DEPDC5: variants seen among roughly 807,000 people sequenced by gnomAD.
The protein encoded by DEPDC5 is DEP domain containing 5, GATOR1 subcomplex subunit, also known as GATOR1 complex protein DEPDC5.
Under a neutral mutation model 217.3 loss-of-function variants are expected in DEPDC5, and 73 were observed. The ratio of observed to expected loss-of-function variants is 0.34; its 90% CI spans 0.28 to 0.41. The LOEUF (loss-of-function observed/expected upper bound fraction) is 0.41. Ranked by LOEUF, DEPDC5 falls within the 10% of genes least tolerant of loss-of-function variation. DEPDC5 has a pLI of 1.00. For missense variants in DEPDC5, 1,675 were observed against 2,070.1 expected (o/e 0.81, Z 3.70); for synonymous variants, 733 against 756.7 (o/e 0.97, Z 0.51).
chr22:31,784,625 A>C (rs2084796229), intron 9 of DEPDC5, 189 bp from the exon 10 acceptor site: 2 of 464,860 alleles, frequency 4.3e-6, no homozygotes, highest in African/African-American at 4.1e-5. Context: ...CATCTCAAAA[A>C]AAAAAAAAAA....
At chr22:31,879,077 C>CACGTATATATAT in intron 37 of DEPDC5, among the ~76,000 whole-genome samples, 1 of 137,758 alleles carries the variant, frequency 7.3e-6, no homozygotes, top group African/African-American at 2.9e-5. Context: ...TACACACACA[C>CACGTATATATAT]ACACGTATAT....
chr22:31,829,839 C>T (rs906205068), intron 24 of DEPDC5, among the ~76,000 whole-genome samples: 2 of 152,094 alleles, frequency 1.3e-5, no homozygotes, highest in African/African-American at 2.4e-5. Context: ...GTTTTTATCC[C>T]TCTGTATCTT....
chr22:31,874,079 G>C (rs555565530), intron 35 of DEPDC5, 194 bp from the exon 36 acceptor site: 7 of 833,064 alleles, frequency 8.4e-6, no homozygotes, highest in East Asian at 3.2e-5. Flanking sequence ...AGGCGTGAGC[G>C]ACCACGCTGG....
intron 28 of DEPDC5, 87 bp downstream of exon 28, chr22:31,843,299 T>C: frequency 7.4e-7 from 1 of 1,343,494 alleles, no homozygotes; most frequent in Non-Finnish European, 1.0e-6. Flanking sequence ...TCATTCAAAC[T>C]GAGGAAGTTC....
intron 41 of DEPDC5, among the ~76,000 whole-genome samples, chr22:31,904,462 G>T (rs1215201827): frequency 2.0e-5 from 3 of 152,252 alleles, no homozygotes; most frequent in Admixed American, 6.5e-5. Context: ...GAGAAAGCAG[G>T]CTGGGTGTGG....
intron 21 of DEPDC5, among the ~76,000 whole-genome samples, chr22:31,818,198 G>A (rs748033116): frequency 6.6e-6 from 1 of 152,192 alleles, no homozygotes; most frequent in Non-Finnish European, 1.5e-5. Context: ...CGCCAGACAG[G>A]TGGTGTCTAA....
intron 36 of DEPDC5, chr22:31,875,231 G>A (rs192902815): frequency 2.0e-4 from 34 of 167,088 alleles, no homozygotes; most frequent in Admixed American, 2.0e-3. Context: ...AGCCTTTGCC[G>A]TATACACTCT....
intron 38 of DEPDC5, among the ~76,000 whole-genome samples, chr22:31,884,617 C>T (rs1360544761): frequency 6.6e-6 from 1 of 152,164 alleles, no homozygotes; most frequent in Non-Finnish European, 1.5e-5. Context: ...TTATAGCATT[C>T]GGGTCTCAGC....
intron 16 of DEPDC5, 93 bp downstream of exon 16, chr22:31,804,316 C>A: frequency 8.1e-7 from 1 of 1,235,518 alleles, no homozygotes; most frequent in Non-Finnish European, 1.2e-6. Context: ...CTTATAGTCC[C>A]ACTTACTCGA....
At chr22:31,843,356 T>C in intron 28 of DEPDC5, 144 bp downstream of exon 28, 1 of 895,566 alleles carries the variant, frequency 1.1e-6, no homozygotes, top group Non-Finnish European at 1.7e-6. Context: ...TTTCTAGGGT[T>C]ATTTTAGGGT....
At chr22:31,887,446 AG>A in intron 38 of DEPDC5, among the ~76,000 whole-genome samples, 1 of 149,778 alleles carries the variant, frequency 6.7e-6, no homozygotes, top group East Asian at 1.9e-4. Context: ...AAAAGAGAAA[AG>A]TCATATGTCC....
chr22:31,880,447 A>G (rs1040393348), intron 38 of DEPDC5, among the ~76,000 whole-genome samples: 3 of 152,226 alleles, frequency 2.0e-5, no homozygotes, highest in African/African-American at 4.8e-5. Flanking sequence ...CTTAAGGGCA[A>G]GTTGGAGGAT....
chr22:31,808,178 C>T (rs1398938073), intron 18 of DEPDC5, among the ~76,000 whole-genome samples: 1 of 151,646 alleles, frequency 6.6e-6, no homozygotes, highest in Non-Finnish European at 1.5e-5. Context: ...TCACTGCAAC[C>T]TCTGCCTTCT....
chr22:31,830,371 TG>T (rs1449423215), intron 24 of DEPDC5, among the ~76,000 whole-genome samples: 2 of 152,254 alleles, frequency 1.3e-5, no homozygotes, highest in Admixed American at 6.5e-5. Flanking sequence ...TCCCAAATGT[TG>T]GGTTGGAGCA....
intron 25 of DEPDC5, among the ~76,000 whole-genome samples, chr22:31,834,800 A>G (rs2090874925): frequency 6.6e-6 from 1 of 152,046 alleles, no homozygotes; most frequent in South Asian, 2.1e-4. Flanking sequence ...AAGTGCTGTG[A>G]TTACAGCCGT....
At position 31,762,137 on chromosome 22, in the gene DEPDC5, C is replaced by T. The variant is rs1438276021; in HGVS notation, c.193+1435C>T. On this transcript the variant is annotated intron_variant, in intron 4 of 42. Transcript: ENST00000651528. Reference sequence around the variant, plus strand: ...TCACAAACTATTTGTTAAATGCCTACTCTGGGTGAGTAGGGATTGGGGAGG... The same window carrying T: ...TCACAAACTATTTGTTAAATGCCTATTCTGGGTGAGTAGGGATTGGGGAGG... 2.0e-5 allele frequency among the ~76,000 whole-genome samples: 3 copies of T among 152,170 alleles called. No individual in the cohort carries two copies. In the East Asian group the frequency reaches 5.8e-4, roughly 29 times the overall value.
At position 31,864,522 on chromosome 22, in the gene DEPDC5, A is replaced by ATG. The variant is rs1005402469; in HGVS notation, c.3330+3090_3330+3091insGT. On this transcript the variant is annotated intron_variant, in intron 33 of 42. Coordinates refer to ENST00000651528, the MANE Select transcript of DEPDC5 (RefSeq NM_001242896.3). ...TTAAAATATATATATATATATATAT[A>ATG]TATTTATATATTTATTTATTTACTG... Among the ~76,000 whole-genome samples the ATG allele has an allele frequency of 3.8e-5, 5 of 133,022 alleles. 1 individual carries two copies. Among genetic ancestry groups the ATG allele is most frequent in the African/African-American group, 1.2e-4 (4 of 34,018 alleles). 87.3% of individuals were successfully genotyped at this position (133,022 alleles called of 152,430 possible).
At chr22:31,786,424 TAAAAAAAAAAAA>T (rs138288) in intron 10 of DEPDC5, among the ~76,000 whole-genome samples, 1 of 80,146 alleles carries the variant, frequency 1.2e-5, no homozygotes, top group African/African-American at 4.4e-5. Flanking sequence ...ATGTGGTAGC[TAAAAAAAAAAAA>T]AAAAAAAAAG....
intron 16 of DEPDC5, among the ~76,000 whole-genome samples, 159 bp from the exon 17 acceptor site, chr22:31,804,683 G>T (rs140174141): frequency 6.6e-6 from 1 of 152,290 alleles, no homozygotes; most frequent in East Asian, 1.9e-4. Context: ...CAGGTGGTCC[G>T]CCCGCCTTGG....
Sources: allele counts gnomAD v4.1 joint callset (sites outside exome capture counted in the v4.1 genomes callset), GRCh38; gene constraint gnomAD v4.1.1; transcripts MANE v1.5; gene names NCBI Gene and HGNC (gene_info 2026-07-23, HGNC 2026-07-21).